ATXN7: variants seen among roughly 807,000 people sequenced by gnomAD.
ATXN7 encodes ataxin 7.
A neutral mutation model predicts 70.5 loss-of-function variants in ATXN7; 12 were observed. The ratio of observed to expected loss-of-function variants is 0.17; its 90% CI spans 0.11 to 0.28. The LOEUF (loss-of-function observed/expected upper bound fraction) is 0.28. Ranked by LOEUF, ATXN7 falls within the 10% of genes least tolerant of loss-of-function variation. The pLI, the probability that ATXN7 is intolerant of heterozygous loss-of-function variation, is 1.00. For synonymous variants in ATXN7, 498 were observed against 448.7 expected, an observed-to-expected ratio of 1.11 and a Z score of -1.39; for missense variants, 1,256 against 1,131.7, an observed-to-expected ratio of 1.11 and a Z score of -1.58.
chr3:63,881,215 A>C (rs1049625080), intron 1 of ATXN7, among the ~76,000 whole-genome samples: 16 of 151,692 alleles, frequency 1.1e-4, no homozygotes, highest in Non-Finnish European at 1.6e-4. Context: ...TGTTTAATTC[A>C]AAAAAATGGA....
At chr3:63,987,239 C>A (rs72876986) in intron 8 of ATXN7, among the ~76,000 whole-genome samples, 2,650 of 152,296 alleles carry the variant, frequency 0.017, 86 homozygotes, top group African/African-American at 0.059. Flanking sequence ...TTTTCTTATA[C>A]GATTTGCTTC....
chr3:63,967,814 C>T, intron 5 of ATXN7: 2 of 1,514,660 alleles, frequency 1.3e-6, no homozygotes, highest in Non-Finnish European at 1.8e-6. Flanking sequence ...GTTACATAAG[C>T]CCAAACATGG....
In ATXN7 at chr3:63,863,909, C is replaced by G; in HGVS notation, c.-360C>G. 1 of 1,017,980 alleles carries G rather than the reference C, an allele frequency of 9.8e-7. No individual in the cohort carries two copies. Among genetic ancestry groups the G allele is most frequent in the South Asian group, 4.7e-5 (1 of 21,498 alleles). The allele number at this position is 1,017,980 out of a possible 1,614,324, so 63.1% of individuals were successfully genotyped here. ...ACAGCCATGGAGGAGGAGGCGGCGG[C>G]GCCCGCGGCCGCCTGCTCCGACGCC... On this transcript the variant is annotated 5_prime_UTR_variant, in exon 1 of 13. Transcript: ENST00000674280.
intron 5 of ATXN7, among the ~76,000 whole-genome samples, chr3:63,965,341 A>G (rs2075202340): frequency 6.6e-6 from 1 of 152,182 alleles, no homozygotes; most frequent in Admixed American, 6.5e-5. Flanking sequence ...CCACGGCTGC[A>G]CAACTAGAAG....
intron 2 of ATXN7, among the ~76,000 whole-genome samples, chr3:63,906,759 T>C (rs993786272): frequency 1.3e-5 from 2 of 152,154 alleles, no homozygotes; most frequent in African/African-American, 4.8e-5. Flanking sequence ...GAGCAAAGGC[T>C]TGGGAACTGG....
intron 4 of ATXN7, among the ~76,000 whole-genome samples, chr3:63,941,220 T>A (rs1169864053): frequency 6.6e-6 from 1 of 152,102 alleles, no homozygotes; most frequent in Non-Finnish European, 1.5e-5. Flanking sequence ...TCTTTCTAGC[T>A]CCTTGGTCGT....
chr3:63,998,347 T>C (rs1354885911), intron 12 of ATXN7: 2 of 985,152 alleles, frequency 2.0e-6, no homozygotes, highest in Non-Finnish European at 2.4e-6. Context: ...AGTTGAGATA[T>C]ATGTGTGTGT....
intron 4 of ATXN7, among the ~76,000 whole-genome samples, chr3:63,927,930 G>A (rs1704780907): frequency 6.6e-6 from 1 of 152,162 alleles, no homozygotes. Flanking sequence ...TTGTTTGGTA[G>A]ATGTTTTCTT....
intron 1 of ATXN7, among the ~76,000 whole-genome samples, chr3:63,896,421 C>G (rs915635360): frequency 1.3e-5 from 2 of 152,112 alleles, no homozygotes; most frequent in African/African-American, 4.8e-5. Flanking sequence ...TTTCTCTTTG[C>G]AAAACAAAAT....
chr3:63,996,868 GA>G (rs1224953573), intron 12 of ATXN7, among the ~76,000 whole-genome samples: 1 of 152,210 alleles, frequency 6.6e-6, no homozygotes, highest in African/African-American at 2.4e-5. Context: ...TTTAAGGAAG[GA>G]AGCAGGCATT....
In ATXN7 at chr3:63,912,674, G is replaced by C. The variant is rs1454682404; in HGVS notation, c.76G>C (p.Ala26Pro). 1 of 1,049,676 alleles carries C rather than the reference G, an allele frequency of 9.5e-7. No homozygotes were observed. The highest frequency in any genetic ancestry group is 1.2e-6 in the Non-Finnish European group (1 of 867,124). The allele number at this position is 1,049,676 out of a possible 1,614,324, so 65.0% of individuals were successfully genotyped here. ...GGCGGCGGCGGGCGGAGCAGCGGCC[G>C]CGGCCGCCCGGCAGCAGCAGCAGCA... ...AAAAAGGAAAAAARQQQQQQQ... is the reference protein window; with the variant it reads ...AAAAAGGAAAPAARQQQQQQQ... The change falls in exon 3 of 13, where the codon GCG becomes CCG. Residue 26 changes from alanine (A) to proline (P), a missense_variant. Physicochemically the swap from Ala to Pro is conservative, Grantham distance 27. Coordinates refer to ENST00000674280, the MANE Select transcript of ATXN7 (RefSeq NM_001377405.1).
At chr3:63,963,241 G>A (rs1401935908) in intron 5 of ATXN7, among the ~76,000 whole-genome samples, 1 of 152,048 alleles carries the variant, frequency 6.6e-6, no homozygotes, top group Non-Finnish European at 1.5e-5. Flanking sequence ...ATTTTTCTTA[G>A]CTACCTTCAC....
Position 64,000,692 on chromosome 3 carries a change from T to G in ATXN7, c.*1225T>G, listed in dbSNP as rs2075824114. 6.6e-6 allele frequency: 1 copy of G among 152,096 alleles called. No individual in the cohort carries two copies. The highest frequency in any genetic ancestry group is 6.5e-5 in the Admixed American group (1 of 15,280). The allele number at this position is 152,096 out of a possible 1,614,324, so 9.4% of individuals were successfully genotyped here. ...AATGTAAGTCCTGACCTGAAGGTCTTTTGTGATGCATGTATAGGATTGCCC... is the reference window on the plus strand; with the variant it reads ...AATGTAAGTCCTGACCTGAAGGTCTGTTGTGATGCATGTATAGGATTGCCC... On this transcript the variant is annotated 3_prime_UTR_variant, in exon 13 of 13. Transcript: ENST00000674280.
intron 5 of ATXN7, among the ~76,000 whole-genome samples, chr3:63,973,773 G>C (rs570002155): frequency 7.9e-5 from 12 of 152,142 alleles, no homozygotes; most frequent in African/African-American, 2.9e-4. Flanking sequence ...AGGATTCAGG[G>C]AGAGGGGAAT....
intron 10 of ATXN7, 122 bp from the exon 11 acceptor site, chr3:63,990,616 C>A: frequency 6.8e-7 from 1 of 1,481,274 alleles, no homozygotes; most frequent in Non-Finnish European, 9.3e-7. Flanking sequence ...TGCTTCACAG[C>A]CTCCGGTACT....
Position 63,876,334 on chromosome 3 carries a change from A to G in ATXN7, c.-111+12176A>G, listed in dbSNP as rs185762788. Among the ~76,000 whole-genome samples, 16 of 152,244 alleles carry G rather than the reference A, an allele frequency of 1.1e-4. No individual in the cohort carries two copies. The East Asian group carries it at 2.9e-3, about 28-fold the overall frequency. On this transcript the variant is annotated intron_variant, in intron 1 of 12. Coordinates refer to ENST00000674280, the MANE Select transcript of ATXN7 (RefSeq NM_001377405.1). Reference sequence around the variant, plus strand: ...TCTAAGAGGAGATATTTAAGGCTCAATTCTCTGTGTCCTCCACTCCGTACC... The same window carrying G: ...TCTAAGAGGAGATATTTAAGGCTCAGTTCTCTGTGTCCTCCACTCCGTACC...
Position 63,912,665 on chromosome 3 carries a change from G to A in ATXN7, c.67G>A (p.Ala23Thr), listed in dbSNP as rs1269616929. ...CCGCGCGGCGGCGGCGGCGGGCGGA[G>A]CAGCGGCCGCGGCCGCCCGGCAGCA... ...PRRAAAAAGG[A>T]AAAAARQQQQ... The change falls in exon 3 of 13, where the codon GCA becomes ACA. Residue 23 changes from alanine (A) to threonine (T), a missense_variant. Transcript: ENST00000674280. 8.5e-6 allele frequency: 9 copies of A among 1,052,952 alleles called. No homozygotes were observed. The highest frequency in any genetic ancestry group is 4.5e-4 in the Middle Eastern group (1 of 2,218). 65.2% of individuals were successfully genotyped at this position (1,052,952 alleles called of 1,614,324 possible).
chr3:63,909,914 T>C (rs1376376567), intron 2 of ATXN7, among the ~76,000 whole-genome samples: 1 of 152,220 alleles, frequency 6.6e-6, no homozygotes, highest in East Asian at 1.9e-4. Flanking sequence ...TAGTGCTTAT[T>C]TATGAGATTC....
At chr3:63,999,308 T>G (rs1237373006) in intron 12 of ATXN7, 142 bp from the exon 13 acceptor site, 19 of 675,544 alleles carry the variant, frequency 2.8e-5, no homozygotes, top group Admixed American at 7.3e-5. Flanking sequence ...AATCTATAGC[T>G]GACTGTTCCT....
Sources: gnomAD v4.1 joint callset for allele counts (sites outside exome capture counted in the v4.1 genomes callset) on GRCh38, gnomAD v4.1.1 for gene constraint, MANE v1.5 for transcripts, NCBI Gene and HGNC (gene_info 2026-07-23, HGNC 2026-07-21) for gene names.